The following TADA2A variants were observed in gnomAD, a reference collection of about 807,000 sequenced individuals.
TADA2A encodes transcriptional adaptor 2A.
A neutral mutation model predicts 67.4 loss-of-function variants in TADA2A; 38 were observed. The ratio of observed to expected loss-of-function variants is 0.56; its 90% CI spans 0.44 to 0.74. The LOEUF is 0.74. Ranked by LOEUF, TADA2A falls within the 30% of genes least tolerant of loss-of-function variation. The pLI is 0.00. For missense variants in TADA2A, 454 were observed against 547.0 expected, an observed-to-expected ratio of 0.83 and a Z score of 1.70; for synonymous variants, 192 against 181.6, an observed-to-expected ratio of 1.06 and a Z score of -0.46.
At position 37,423,529 on chromosome 17, in the gene TADA2A, C is replaced by T. The variant is rs1391218354; in HGVS notation, c.46C>T (p.Pro16Ser). 1 of 1,612,442 alleles carries T rather than the reference C, an allele frequency of 6.2e-7. No homozygotes were observed. The highest frequency in any genetic ancestry group is 1.1e-5 in the South Asian group (1 of 90,640). The change falls in exon 3 of 16, where the codon CCT (proline) becomes TCT (serine). Residue 16 changes from proline to serine, a missense_variant. By Grantham distance (74) the Pro-to-Ser change is moderately conservative. Coordinates refer to ENST00000615182, the MANE Select transcript of TADA2A (RefSeq NM_001166105.3). ...SFSNDPSDKP[P>S]CRGCSSYLME... ...TCTAGATGATCCCTCTGATAAGCCA[C>T]CTTGCCGAGGCTGCTCCTCCTACCT...
intron 9 of TADA2A, among the ~76,000 whole-genome samples, chr17:37,459,334 G>A (rs748581005): frequency 6.6e-6 from 1 of 150,912 alleles, no homozygotes; most frequent in Non-Finnish European, 1.5e-5. Context: ...CCAGGATGGA[G>A]TGCAGTGGCG....
intron 12 of TADA2A, among the ~76,000 whole-genome samples, chr17:37,467,734 A>G (rs964368471): frequency 6.6e-6 from 1 of 152,134 alleles, no homozygotes; most frequent in African/African-American, 2.4e-5. Flanking sequence ...TTGTGAGACA[A>G]AGGAAAGAGA....
At chr17:37,414,788 C>A (rs1206770967) in intron 2 of TADA2A, among the ~76,000 whole-genome samples, 1 of 152,142 alleles carries the variant, frequency 6.6e-6, no homozygotes, top group South Asian at 2.1e-4. Flanking sequence ...TGCCCTCAAC[C>A]CCTTGTACTT....
intron 10 of TADA2A, among the ~76,000 whole-genome samples, chr17:37,464,559 G>C (rs926685112): frequency 6.6e-6 from 1 of 152,152 alleles, no homozygotes; most frequent in Non-Finnish European, 1.5e-5. Flanking sequence ...CAGTGAGGTG[G>C]CCGGGCGCGG....
intron 4 of TADA2A, among the ~76,000 whole-genome samples, chr17:37,431,438 C>G (rs1277262000): frequency 2.0e-5 from 3 of 152,130 alleles, no homozygotes; most frequent in Non-Finnish European, 4.4e-5. Context: ...AGTACGTGCT[C>G]AGATGAAAAT....
At chr17:37,468,340 T>C (rs535447071) in intron 12 of TADA2A, among the ~76,000 whole-genome samples, 4 of 152,278 alleles carry the variant, frequency 2.6e-5, no homozygotes, top group African/African-American at 4.8e-5. Flanking sequence ...TAAAGTACCG[T>C]TACTTCCATT....
intron 4 of TADA2A, among the ~76,000 whole-genome samples, chr17:37,434,784 T>C (rs1597879763): frequency 6.6e-6 from 1 of 151,396 alleles, no homozygotes; most frequent in African/African-American, 2.4e-5. Flanking sequence ...TTACTAGTTT[T>C]GAGAATATGC....
intron 5 of TADA2A, among the ~76,000 whole-genome samples, chr17:37,438,872 A>G (rs1234936557): frequency 1.3e-5 from 2 of 152,188 alleles, no homozygotes; most frequent in African/African-American, 2.4e-5. Flanking sequence ...TAGCTTCTCT[A>G]TCCGCTGTGG....
chr17:37,413,359 G>A (rs1278883481), intron 2 of TADA2A, among the ~76,000 whole-genome samples: 2 of 152,100 alleles, frequency 1.3e-5, no homozygotes, highest in Non-Finnish European at 2.9e-5. Flanking sequence ...AATCTAAGTG[G>A]ACTGCTCTAA....
At chr17:37,416,346 C>A (rs752052665) in intron 2 of TADA2A, among the ~76,000 whole-genome samples, 12 of 151,708 alleles carry the variant, frequency 7.9e-5, no homozygotes, top group Non-Finnish European at 1.3e-4. Flanking sequence ...TCTCGAACTC[C>A]CAACCTCAGG....
At chr17:37,423,024 A>G (rs528488384) in intron 2 of TADA2A, among the ~76,000 whole-genome samples, 1 of 152,294 alleles carries the variant, frequency 6.6e-6, no homozygotes, top group South Asian at 2.1e-4. Context: ...ACATTCTTTG[A>G]ACCTAAAAGT....
intron 7 of TADA2A, among the ~76,000 whole-genome samples, chr17:37,443,277 A>G (rs1429686030): frequency 6.9e-6 from 1 of 145,634 alleles, no homozygotes; most frequent in Non-Finnish European, 1.5e-5. Flanking sequence ...TTTGAGACAG[A>G]GTTTTTGCTC....
chr17:37,445,896 A>G lies in TADA2A; in HGVS notation c.604+1128A>G, dbSNP rs8066972. 6.8e-3 allele frequency among the ~76,000 whole-genome samples: 1,028 copies of G among 152,246 alleles called. 14 individuals carry two copies. The highest frequency in any genetic ancestry group is 0.023 in the African/African-American group (966 of 41,548). ...CAGGCAGGAAAGACAAGTAGAGTAT[A>G]CTTGTTAAATTATAAATCAAGTTTT... On this transcript the variant is annotated intron_variant, in intron 8 of 15. Coordinates refer to ENST00000615182, the MANE Select transcript of TADA2A (RefSeq NM_001166105.3).
intron 2 of TADA2A, among the ~76,000 whole-genome samples, chr17:37,417,744 A>G (rs2052096904): frequency 6.6e-6 from 1 of 152,060 alleles, no homozygotes; most frequent in Non-Finnish European, 1.5e-5. Context: ...CATCTTGACC[A>G]GGCTGGTCTT....
intron 8 of TADA2A, among the ~76,000 whole-genome samples, chr17:37,458,007 C>A (rs4795201): frequency 0.24 from 37,077 of 151,860 alleles, 4,590 homozygotes; most frequent in Middle Eastern, 0.36. Flanking sequence ...TTTGTTATAC[C>A]GATTATTGCA....
intron 4 of TADA2A, among the ~76,000 whole-genome samples, chr17:37,432,233 C>A (rs1048610081): frequency 6.6e-6 from 1 of 151,872 alleles, no homozygotes; most frequent in African/African-American, 2.4e-5. Flanking sequence ...TGCACAATCT[C>A]GGCTCACTGC....
intron 2 of TADA2A, among the ~76,000 whole-genome samples, chr17:37,422,045 ATTTTTTTGTTT>A (rs1326416052): frequency 7.1e-6 from 1 of 141,694 alleles, no homozygotes; most frequent in Non-Finnish European, 1.6e-5. Context: ...TGCTTGGCTA[ATTTTTTTGTTT>A]TTTTTTTGAG....
At position 37,457,295 on chromosome 17, in the gene TADA2A, C is replaced by T. The variant is rs111243716; in HGVS notation, c.605-1229C>T. 3.8e-3 allele frequency among the ~76,000 whole-genome samples: 564 copies of T among 150,370 alleles called. 1 individual carries two copies. The highest frequency in any genetic ancestry group is 6.6e-3 in the Non-Finnish European group (447 of 67,684). Reference sequence around the variant, plus strand: ...TCCCAGGTTCAAGCAACTGTCCTGCCTCAGCCTCCCGAGTAGCTGGGACTA... The same window carrying T: ...TCCCAGGTTCAAGCAACTGTCCTGCTTCAGCCTCCCGAGTAGCTGGGACTA... On this transcript the variant is annotated intron_variant, in intron 8 of 15. Transcript: ENST00000615182.
intron 2 of TADA2A, among the ~76,000 whole-genome samples, chr17:37,412,221 A>G (rs1027363182): frequency 2.0e-5 from 3 of 150,312 alleles, no homozygotes; most frequent in African/African-American, 7.3e-5. Context: ...AAAAAAAGAA[A>G]AAAAAAAAAA....
Sources: gnomAD v4.1 joint callset for allele counts (sites outside exome capture counted in the v4.1 genomes callset) on GRCh38, gnomAD v4.1.1 for gene constraint, MANE v1.5 for transcripts, NCBI Gene and HGNC (gene_info 2026-07-23, HGNC 2026-07-21) for gene names.